Variants in TCTN1 observed in about 807,000 individuals in gnomAD.
TCTN1 encodes tectonic-1.
Under a neutral mutation model 65.8 loss-of-function variants are expected in TCTN1, and 58 were observed. That is an observed-to-expected ratio of 0.88 (90% CI 0.71 to 1.10). The LOEUF is 1.10. Ranked by LOEUF, TCTN1 falls within the 50% of genes least tolerant of loss-of-function variation. The probability of loss-of-function intolerance (pLI) is 0.00; values close to 1 mark genes in which losing one functional copy is unlikely to be tolerated. For synonymous variants in TCTN1, 273 were observed against 289.1 expected (o/e 0.94, Z 0.57); for missense variants, 645 against 719.4 (o/e 0.90, Z 1.18).
At chr12:110,627,416 A>G (rs1373453139) in intron 3 of TCTN1, among the ~76,000 whole-genome samples, 4 of 152,084 alleles carry the variant, frequency 2.6e-5, no homozygotes, top group East Asian at 3.8e-4. Context: ...ATTTAAAGCA[A>G]TTATTCTGTT....
intron 7 of TCTN1, among the ~76,000 whole-genome samples, chr12:110,638,061 A>G (rs1350144867): frequency 2.0e-5 from 3 of 152,058 alleles, no homozygotes; most frequent in Non-Finnish European, 4.4e-5. Context: ...AGGTTCAGTT[A>G]CTGTCACTCT....
rs1411944353 is a variant in TCTN1 at position 110,634,765 on chromosome 12, C to T, written c.808C>T (p.Pro270Ser). The T allele has an allele frequency of 6.2e-7, 1 of 1,609,442 alleles. No individual in the cohort carries two copies. Among genetic ancestry groups the T allele is most frequent in the Non-Finnish European group, 8.5e-7 (1 of 1,177,542 alleles). Residue 270 changes from proline to serine, a missense_variant, in exon 6 of 15, where the codon CCG becomes TCG. Pro to Ser is a moderately conservative substitution (Grantham distance 74). Transcript: ENST00000397659. ...CCTCAGCATGGCTTTTTACAGCAGC[C>T]CGGAAATTCTGAGGGTAAGAATTAT... ...EALSMAFYSSPEILRVPDSRK... is the reference protein window; with the variant it reads ...EALSMAFYSSSEILRVPDSRK...
At chr12:110,636,329 G>C in intron 6 of TCTN1, 152 bp from the exon 7 acceptor site, 4 of 593,052 alleles carry the variant, frequency 6.7e-6, no homozygotes, top group Non-Finnish European at 1.2e-5. Context: ...AACACATGCA[G>C]ATGGGGAGTC....
chr12:110,644,867 AAAAT>A lies in TCTN1; in HGVS notation c.1332-92_1332-89del, dbSNP rs2067193487. 2 of 1,532,024 alleles carry A rather than the reference AAAAT, an allele frequency of 1.3e-6. No individual in the cohort carries two copies. The highest frequency in any genetic ancestry group is 2.3e-5 in the East Asian group (1 of 44,334). 94.9% of individuals were successfully genotyped at this position (1,532,024 alleles called of 1,614,324 possible). A position where few individuals can be genotyped will look rare whatever the true frequency, so the allele number is the denominator to read the frequency against. On this transcript the variant is annotated intron_variant, in intron 11 of 14. Transcript: ENST00000397659. This position sits in a 1 kb window ranked among gnomAD's most constrained non-coding sequence, Gnocchi z 4.6. ...GGCATCAGAGTGAGACCTTATCTCA[AAAAT>A]AAATAAACAAAGGGAAGGAAAGGAA...
rs2067380628 is a variant in TCTN1, at chr12:110,647,176, A to G, written c.1495-20A>G. ...ATTAAGTCTGACTTGCAGTTTTGTA[A>G]GATTCTAATGGATTAACAGCATTTT... On this transcript the variant is annotated intron_variant, in intron 12 of 14. Coordinates refer to ENST00000397659, the MANE Select transcript of TCTN1 (RefSeq NM_001082538.3). 6.2e-7 allele frequency: 1 copy of G among 1,614,184 alleles called. No individual in the cohort carries two copies. The highest frequency in any genetic ancestry group is 8.5e-7 in the Non-Finnish European group (1 of 1,180,016).
At chr12:110,632,687 A>C (rs2066313519) in intron 5 of TCTN1, 128 bp downstream of exon 5, 1 of 915,654 alleles carries the variant, frequency 1.1e-6, no homozygotes, top group African/African-American at 1.6e-5. Flanking sequence ...CCAACTTAAT[A>C]CTTTACATTT....
intron 3 of TCTN1, among the ~76,000 whole-genome samples, chr12:110,627,000 G>A (rs964253681): frequency 7.9e-5 from 12 of 151,244 alleles, no homozygotes; most frequent in African/African-American, 1.9e-4. Context: ...TTGAACTCCC[G>A]ACCTCAGGTG....
intron 12 of TCTN1, chr12:110,645,514 T>C (rs2067240539): frequency 6.7e-5 from 21 of 314,476 alleles, no homozygotes; most frequent in South Asian, 6.0e-4. Context: ...CCGAGCCCTC[T>C]CCAGGCATCT....
rs199584658 is a variant in TCTN1, at chr12:110,628,864, A to G, written c.570A>G (p.Glu190=). The change falls in exon 4 of 15, where the codon GAA becomes GAG. Residue 190 remains glutamate, a synonymous_variant. Transcript: ENST00000397659. ...KTSDGFTLNA[E]SYVSFTTKLD... is the part of the protein sequence containing the mutation. ...CTGATGGTTTTACATTGAATGCTGA[A>G]TCATATGTTTCCTTCACAACCAAAC... The G allele has an allele frequency of 1.1e-4, 171 of 1,613,738 alleles. 1 individual carries two copies. In the Middle Eastern group the frequency reaches 1.2e-3, roughly 11 times the overall value.
At position 110,647,757 on chromosome 12, in the gene TCTN1, A is replaced by G; in HGVS notation, c.1644A>G (p.Ser548=). Residue 548 remains serine, a synonymous_variant, in exon 14 of 15, where the codon TCA becomes TCG. Coordinates refer to ENST00000397659, the MANE Select transcript of TCTN1 (RefSeq NM_001082538.3). ...LISSSFPEAN[S]GNERTILIST... ...CTCTCTGTTTATTACAGGCCAACTC[A>G]GGAAATGAAAGGACGATTCTTATTT... 1 of 1,614,222 alleles carries G rather than the reference A, an allele frequency of 6.2e-7. No homozygotes were observed. The highest frequency in any genetic ancestry group is 8.5e-7 in the Non-Finnish European group (1 of 1,180,036).
At chr12:110,630,319 G>T (rs570077435) in intron 4 of TCTN1, 14 of 152,264 alleles carry the variant, frequency 9.2e-5, no homozygotes, top group African/African-American at 3.4e-4. Context: ...AGAGTTCTTT[G>T]TTCTCCTCAA....
rs140144956 is a variant in TCTN1 at position 110,623,384 on chromosome 12, G to A, written c.342-2978G>A. Among the ~76,000 whole-genome samples, 172 of 152,300 alleles carry A rather than the reference G, an allele frequency of 1.1e-3. 3 individuals are homozygous for A. The East Asian group carries it at 0.031, about 27-fold the overall frequency. On this transcript the variant is annotated intron_variant, in intron 2 of 14. Coordinates refer to ENST00000397659, the MANE Select transcript of TCTN1 (RefSeq NM_001082538.3). ...CTTTAAGGCCCAGTAAAAACGGAAT[G>A]ATAATATCCAGTCTTGGCAAGGGTA...
intron 10 of TCTN1, 60 bp downstream of exon 10, chr12:110,641,687 A>G: frequency 6.6e-7 from 1 of 1,519,682 alleles, no homozygotes; most frequent in South Asian, 1.1e-5. Flanking sequence ...CGTGGGCTGC[A>G]CTGCTCTTTA....
intron 9 of TCTN1, 114 bp downstream of exon 9, chr12:110,641,263 C>A: frequency 7.0e-7 from 1 of 1,418,626 alleles, no homozygotes; most frequent in Non-Finnish European, 9.8e-7. Context: ...TTGTAGTGAA[C>A]AGAGGGCTTT....
intron 13 of TCTN1, 172 bp downstream of exon 13, chr12:110,647,508 T>A: frequency 9.8e-7 from 1 of 1,022,660 alleles, no homozygotes; most frequent in Non-Finnish European, 1.4e-6. Flanking sequence ...CTACTTACAT[T>A]AGCATTCTGG....
At chr12:110,636,123 A>G in intron 6 of TCTN1, 1 of 250,766 alleles carries the variant, frequency 4.0e-6, no homozygotes, top group Admixed American at 5.0e-5. Context: ...CAGCAAGGAC[A>G]GGTGCAGTGA....
At chr12:110,626,893 C>T (rs980632003) in intron 3 of TCTN1, among the ~76,000 whole-genome samples, 1 of 151,350 alleles carries the variant, frequency 6.6e-6, no homozygotes, top group Admixed American at 6.6e-5. Flanking sequence ...CTGCCTCAGC[C>T]TCCCAAGTAG....
intron 1 of TCTN1, among the ~76,000 whole-genome samples, chr12:110,618,341 C>A (rs1252173716): frequency 6.6e-6 from 1 of 151,754 alleles, no homozygotes; most frequent in Non-Finnish European, 1.5e-5. Context: ...CCTGGGTTCA[C>A]GCCATTCTCC....
intron 2 of TCTN1, 58 bp from the exon 3 acceptor site, chr12:110,626,304 T>C: frequency 6.6e-7 from 1 of 1,520,944 alleles, no homozygotes; most frequent in East Asian, 2.5e-5. Context: ...AAAATAATTT[T>C]GCTAAGATTG....
Sources: gnomAD v4.1 joint callset for allele counts (sites outside exome capture counted in the v4.1 genomes callset) on GRCh38, gnomAD v4.1.1 for gene constraint, Gnocchi (gnomAD v3.1) non-coding constraint, MANE v1.5 for transcripts, NCBI Gene and HGNC (gene_info 2026-07-23, HGNC 2026-07-21) for gene names.